Variants in KLF12 observed in about 807,000 individuals in gnomAD.
KLF12 encodes the protein Krueppel-like factor 12.
KLF12 carries 9 observed loss-of-function variants against 37.8 expected under a neutral mutation model. That is an observed-to-expected ratio of 0.24 (90% CI 0.14 to 0.42). The LOEUF is 0.42. KLF12 is among the 10% of genes least tolerant of loss of function. The pLI is 1.00. For synonymous variants in KLF12, 208 were observed against 202.1 expected, an observed-to-expected ratio of 1.03 and a Z score of -0.25; for missense variants, 411 against 516.0, an observed-to-expected ratio of 0.80 and a Z score of 1.97.
At chr13:74,158,601 T>A in the KLF12 span, among the ~76,000 whole-genome samples, 1 of 152,024 alleles carries the variant, frequency 6.6e-6, no homozygotes, top group Admixed American at 6.6e-5. Flanking sequence ...CTTGGGGTAA[T>A]CATGGGAAAG....
Position 73,688,215 on chromosome 13 carries a change from A to G in KLF12, c.*7275T>C, listed in dbSNP as rs1292069846. The G allele has an allele frequency of 2.0e-5, 3 of 152,658 alleles. No homozygotes were observed. The highest frequency in any genetic ancestry group is 7.2e-5 in the African/African-American group (3 of 41,476). 9.5% of individuals were successfully genotyped at this position (152,658 alleles called of 1,614,324 possible). On this transcript the variant is annotated 3_prime_UTR_variant, in exon 8 of 8. Transcript: ENST00000377669. ...GTCAGAGACCTTGTTCTACACAGAA[A>G]GTGGGAGGAATTTCATTTCTCTGAT...
At chr13:74,180,351 T>A in the KLF12 span, among the ~76,000 whole-genome samples, 1 of 152,248 alleles carries the variant, frequency 6.6e-6, no homozygotes, top group Non-Finnish European at 1.5e-5. Flanking sequence ...CTAATTCTCC[T>A]CACAATTTAT....
chr13:73,721,853 T>G (rs920659252), intron 6 of KLF12, among the ~76,000 whole-genome samples: 1 of 151,996 alleles, frequency 6.6e-6, no homozygotes, highest in African/African-American at 2.4e-5. Flanking sequence ...GCCTACCCAG[T>G]ACATATTTTC....
At chr13:73,891,984 G>T (rs1401342297) in intron 3 of KLF12, among the ~76,000 whole-genome samples, 3 of 151,894 alleles carry the variant, frequency 2.0e-5, no homozygotes, top group East Asian at 3.9e-4. Context: ...CATCACTACT[G>T]CTGTAAATGA....
chr13:74,213,695 C>A, the KLF12 span, among the ~76,000 whole-genome samples: 1 of 138,990 alleles, frequency 7.2e-6, no homozygotes, highest in African/African-American at 2.7e-5. Flanking sequence ...TATTATTTTT[C>A]ACTTTCCCAA....
At chr13:73,978,763 A>G (rs367875190) in intron 2 of KLF12, among the ~76,000 whole-genome samples, 1 of 152,146 alleles carries the variant, frequency 6.6e-6, no homozygotes, top group Non-Finnish European at 1.5e-5. Flanking sequence ...AAAAGTAGGG[A>G]CCAACCAAGG....
At chr13:73,841,556 C>T (rs1203518481) in intron 4 of KLF12, among the ~76,000 whole-genome samples, 1 of 152,122 alleles carries the variant, frequency 6.6e-6, no homozygotes, top group Non-Finnish European at 1.5e-5. Context: ...TTGGTGAAAG[C>T]TAATGAGTGT....
At position 74,020,822 on chromosome 13, in the gene KLF12, C is replaced by T. The variant is rs188723741; in HGVS notation, c.-31-25769G>A. Among the ~76,000 whole-genome samples the T allele has an allele frequency of 3.4e-3, 517 of 150,276 alleles. 4 individuals are homozygous for T. The highest frequency in any genetic ancestry group is 0.012 in the African/African-American group (480 of 40,760). On this transcript the variant is annotated intron_variant, in intron 1 of 7. Transcript: ENST00000377669. Reference sequence around the variant, plus strand: ...AGGAGAATGGCGTGAACCCGGGAGGCGGAGCTTGCAGTGAGTGAAGATCAC... The same window carrying T: ...AGGAGAATGGCGTGAACCCGGGAGGTGGAGCTTGCAGTGAGTGAAGATCAC...
the KLF12 span, among the ~76,000 whole-genome samples, chr13:74,285,122 A>T: frequency 1.3e-5 from 2 of 151,976 alleles, no homozygotes; most frequent in Non-Finnish European, 2.9e-5. Context: ...TGTGAAATTC[A>T]CTTACAACCC....
Position 73,977,449 on chromosome 13 carries a change from C to T in KLF12, c.33+17541G>A, listed in dbSNP as rs116558350. Among the ~76,000 whole-genome samples, 1,170 of 152,162 alleles carry T rather than the reference C, an allele frequency of 7.7e-3. 20 individuals carry two copies. Among genetic ancestry groups the T allele is most frequent in the African/African-American group, 0.027 (1,116 of 41,506 alleles). On this transcript the variant is annotated intron_variant, in intron 2 of 7. Transcript: ENST00000377669. ...AAAAATTAGTATCAAACAGACTACA[C>T]GCTATAAATATAACACAATGAAATT...
the KLF12 span, among the ~76,000 whole-genome samples, chr13:74,223,508 A>G: frequency 6.6e-6 from 1 of 152,198 alleles, no homozygotes; most frequent in South Asian, 2.1e-4. Flanking sequence ...AGTATGGTAA[A>G]GGATACTCTG....
intron 2 of KLF12, among the ~76,000 whole-genome samples, chr13:73,965,029 T>C (rs1891136177): frequency 6.6e-6 from 1 of 152,158 alleles, no homozygotes; most frequent in Non-Finnish European, 1.5e-5. Context: ...GCAGTTTAGC[T>C]TGGCCTTGGC....
Position 73,695,285 on chromosome 13 carries a change from C to A in KLF12, c.*205G>T, listed in dbSNP as rs1874059278. 13 of 544,898 alleles carry A rather than the reference C, an allele frequency of 2.4e-5. No homozygotes were observed. In the South Asian group the frequency reaches 3.3e-4, roughly 14 times the overall value. The allele number at this position is 544,898 out of a possible 1,614,324, so 33.8% of individuals were successfully genotyped here. ...GCATTTATGTCACTGAGCTCCCAGG[C>A]CCGGGTAAAGACGGTTCTCGTCTAG... On this transcript the variant is annotated 3_prime_UTR_variant, in exon 8 of 8. Transcript: ENST00000377669.
intron 1 of KLF12, among the ~76,000 whole-genome samples, chr13:74,086,470 G>A (rs911186712): frequency 2.6e-5 from 4 of 151,980 alleles, no homozygotes; most frequent in Admixed American, 6.6e-5. Flanking sequence ...TGGCTGCATA[G>A]TATTCCACGG....
intron 3 of KLF12, among the ~76,000 whole-genome samples, chr13:73,916,235 A>ACACACG (rs1226105165): frequency 6.6e-4 from 22 of 33,410 alleles, no homozygotes; most frequent in Non-Finnish European, 1.5e-3. Flanking sequence ...ACACACACAC[A>ACACACG]CACACGCACA....
chr13:73,767,370 G>A (rs1461311316), intron 5 of KLF12, among the ~76,000 whole-genome samples: 1 of 152,148 alleles, frequency 6.6e-6, no homozygotes, highest in African/African-American at 2.4e-5. Context: ...AGCTTGCAGG[G>A]AATGTTCATT....
At chr13:73,994,828 G>C (rs1463100451) in intron 2 of KLF12, among the ~76,000 whole-genome samples, 162 bp downstream of exon 2, 1 of 152,092 alleles carries the variant, frequency 6.6e-6, no homozygotes, top group African/African-American at 2.4e-5. Flanking sequence ...TTTTTAAGGG[G>C]CTAAAAGGAA....
intron 4 of KLF12, among the ~76,000 whole-genome samples, chr13:73,823,999 C>T (rs569582987): frequency 1.3e-5 from 2 of 152,144 alleles, no homozygotes; most frequent in East Asian, 3.9e-4. Context: ...CATGAGCCAC[C>T]GCACTTGGCC....
chr13:73,859,526 G>A (rs887928618), intron 3 of KLF12, among the ~76,000 whole-genome samples: 5 of 152,138 alleles, frequency 3.3e-5, no homozygotes, highest in Admixed American at 6.5e-5. Flanking sequence ...ACCAACTGAA[G>A]AGAATATAAA....
Sources: allele counts gnomAD v4.1 joint callset (sites outside exome capture counted in the v4.1 genomes callset), GRCh38; gene constraint gnomAD v4.1.1; transcripts MANE v1.5; gene names NCBI Gene and HGNC (gene_info 2026-07-23, HGNC 2026-07-21).